VAT1L: variants seen among roughly 807,000 people sequenced by gnomAD.
VAT1L encodes the protein vesicle amine transport 1 like, also known as putative NADPH-dependent quinone oxidoreductase VAT1L.
Under a neutral mutation model 44.1 loss-of-function variants are expected in VAT1L, and 34 were observed. That is an observed-to-expected ratio of 0.77 (90% CI 0.59 to 1.03). The LOEUF is 1.03. Ranked by LOEUF, VAT1L falls within the 50% of genes least tolerant of loss-of-function variation. The pLI is 0.00. For missense variants in VAT1L, 615 were observed against 538.8 expected, an observed-to-expected ratio of 1.14 and a Z score of -1.40; for synonymous variants, 253 against 202.2, an observed-to-expected ratio of 1.25 and a Z score of -2.13.
chr16:77,967,812 T>C (rs2142541136), intron 7 of VAT1L, among the ~76,000 whole-genome samples: 1 of 152,278 alleles, frequency 6.6e-6, no homozygotes, highest in African/African-American at 2.4e-5. Context: ...GCCAGGGTGA[T>C]AAATAACTGA....
chr16:77,951,008 G>T (rs1307697695), intron 7 of VAT1L, among the ~76,000 whole-genome samples: 3 of 152,204 alleles, frequency 2.0e-5, no homozygotes, highest in Non-Finnish European at 4.4e-5. Context: ...GCCAGCCATT[G>T]TATAGGTTTT....
chr16:77,851,494 T>C (rs1042726101), intron 3 of VAT1L, among the ~76,000 whole-genome samples: 1 of 151,824 alleles, frequency 6.6e-6, no homozygotes, highest in Non-Finnish European at 1.5e-5. Flanking sequence ...ACAAAAAAAA[T>C]TGTTTTAAAT....
At chr16:77,790,046 C>T (rs2015804800) in intron 1 of VAT1L, among the ~76,000 whole-genome samples, 1 of 152,206 alleles carries the variant, frequency 6.6e-6, no homozygotes, top group African/African-American at 2.4e-5. Flanking sequence ...AGCCAGCTCA[C>T]GAGCTTCTAG....
At chr16:77,840,839 G>C (rs1478930792) in intron 3 of VAT1L, among the ~76,000 whole-genome samples, 1 of 152,044 alleles carries the variant, frequency 6.6e-6, no homozygotes, top group Non-Finnish European at 1.5e-5. Context: ...TAATGCATAG[G>C]GTCTAGAATG....
intron 8 of VAT1L, among the ~76,000 whole-genome samples, chr16:77,973,192 C>T (rs2018298926): frequency 6.6e-6 from 1 of 152,226 alleles, no homozygotes; most frequent in South Asian, 2.1e-4. Flanking sequence ...AGTTACATGA[C>T]TACTCAGCTT....
chr16:77,861,896 A>T (rs1333916225), intron 3 of VAT1L, among the ~76,000 whole-genome samples: 1 of 152,244 alleles, frequency 6.6e-6, no homozygotes, highest in Non-Finnish European at 1.5e-5. Context: ...TACACATGGT[A>T]GATATGGCCT....
chr16:77,854,544 ATTG>A (rs2016839217), intron 3 of VAT1L, among the ~76,000 whole-genome samples: 1 of 152,206 alleles, frequency 6.6e-6, no homozygotes, highest in African/African-American at 2.4e-5. Context: ...GGGAGCTTGT[ATTG>A]TTGTAAGAAA....
At chr16:77,948,285 A>C (rs553147834) in intron 7 of VAT1L, among the ~76,000 whole-genome samples, 1 of 152,260 alleles carries the variant, frequency 6.6e-6, no homozygotes, top group Admixed American at 6.5e-5. Context: ...GGTGGAGGTT[A>C]TTACCCCACA....
At chr16:77,909,496 G>C (rs2017475200) in intron 7 of VAT1L, among the ~76,000 whole-genome samples, 1 of 151,926 alleles carries the variant, frequency 6.6e-6, no homozygotes, top group African/African-American at 2.4e-5. Flanking sequence ...AAGTAGCCAG[G>C]CGTGGTGGTG....
At chr16:77,845,311 G>A (rs1039404260) in intron 3 of VAT1L, among the ~76,000 whole-genome samples, 1 of 152,198 alleles carries the variant, frequency 6.6e-6, no homozygotes, top group African/African-American at 2.4e-5. Context: ...GCATCCCTCA[G>A]CAGGTGCGGG....
chr16:77,806,595 G>C (rs535042867), intron 1 of VAT1L, among the ~76,000 whole-genome samples: 10 of 152,214 alleles, frequency 6.6e-5, no homozygotes, highest in Admixed American at 5.2e-4. Context: ...TGCCCGCCTC[G>C]GCCTCCCAAA....
At chr16:77,928,920 G>A (rs73566780) in intron 7 of VAT1L, among the ~76,000 whole-genome samples, 3,589 of 152,130 alleles carry the variant, frequency 0.024, 144 homozygotes, top group African/African-American at 0.083. Context: ...GGGTTCAAGC[G>A]ATCCTGCCTC....
chr16:77,813,758 T>C (rs1233620087), intron 1 of VAT1L, among the ~76,000 whole-genome samples: 1 of 152,236 alleles, frequency 6.6e-6, no homozygotes, highest in Admixed American at 6.5e-5. Context: ...CAATTCATAG[T>C]TTTACAGAGA....
intron 4 of VAT1L, among the ~76,000 whole-genome samples, chr16:77,865,374 C>T (rs1292163845): frequency 2.6e-5 from 4 of 152,096 alleles, no homozygotes; most frequent in African/African-American, 9.7e-5. Flanking sequence ...TGTATTTTTG[C>T]AAGCATTCTT....
At chr16:77,938,106 C>G (rs2017826496) in intron 7 of VAT1L, among the ~76,000 whole-genome samples, 1 of 152,126 alleles carries the variant, frequency 6.6e-6, no homozygotes, top group Admixed American at 6.5e-5. Flanking sequence ...CCACTTGGGA[C>G]CAGTTCCTGA....
intron 7 of VAT1L, among the ~76,000 whole-genome samples, chr16:77,963,041 T>C (rs2018180904): frequency 6.6e-6 from 1 of 152,124 alleles, no homozygotes; most frequent in Admixed American, 6.5e-5. Context: ...GATCCTCAAG[T>C]TTTCTCCTAA....
At chr16:77,815,784 A>T (rs1033991108) in intron 1 of VAT1L, among the ~76,000 whole-genome samples, 1 of 151,404 alleles carries the variant, frequency 6.6e-6, no homozygotes, top group Non-Finnish European at 1.5e-5. Context: ...CCTGGCCAAC[A>T]TGGCGAAACC....
rs2017191033 is a variant in VAT1L at position 77,884,675 on chromosome 16, C to T, written c.950C>T (p.Ser317Phe). The T allele has an allele frequency of 1.9e-6, 3 of 1,613,094 alleles. No homozygotes were observed. The highest frequency in any genetic ancestry group is 1.3e-5 in the African/African-American group (1 of 74,882). Residue 317 changes from serine to phenylalanine, a missense_variant, in exon 7 of 9, where the codon TCC becomes TTC. Coordinates refer to ENST00000302536, the MANE Select transcript of VAT1L (RefSeq NM_020927.3). This position sits in a 1 kb window ranked among gnomAD's most constrained non-coding sequence, Gnocchi z 4.5. ...GAGAACAAAGTCATCGCGGGGTTTT[C>T]CCTTTTAAATCTGCTCTTCAAACAA... ...YEENKVIAGF[S>F]LLNLLFKQGR...
chr16:77,877,221 T>C (rs989560221), intron 5 of VAT1L, among the ~76,000 whole-genome samples: 1 of 151,922 alleles, frequency 6.6e-6, no homozygotes, highest in Admixed American at 6.6e-5. Context: ...TAAACATTAG[T>C]CTCCACAGGC....
Sources: gnomAD v4.1 joint callset for allele counts (sites outside exome capture counted in the v4.1 genomes callset) on GRCh38, gnomAD v4.1.1 for gene constraint, Gnocchi (gnomAD v3.1) non-coding constraint, MANE v1.5 for transcripts, NCBI Gene and HGNC (gene_info 2026-07-23, HGNC 2026-07-21) for gene names.